Variants in ARPP19 observed in about 807,000 individuals in gnomAD.
The protein encoded by ARPP19 is cAMP regulated phosphoprotein 19.
Under a neutral mutation model 12.0 loss-of-function variants are expected in ARPP19, and 8 were observed. The ratio of observed to expected loss-of-function variants is 0.67; its 90% CI spans 0.39 to 1.21. ARPP19 has a LOEUF of 1.21. Among genes scored for constraint, ARPP19 ranks in the 50% most tolerant of loss-of-function variants. The pLI, the probability that ARPP19 is intolerant of heterozygous loss-of-function variation, is 0.01. For synonymous variants in ARPP19, 47 were observed against 50.4 expected, an observed-to-expected ratio of 0.93 and a Z score of 0.29; for missense variants, 102 against 136.3, an observed-to-expected ratio of 0.75 and a Z score of 1.25.
At position 52,557,139 on chromosome 15, in the gene ARPP19, A is replaced by G. The variant is rs1432432930; in HGVS notation, c.129T>C (p.Pro43=). ...GTTTCCTTAAGAAATCTGAACCTCCAGGCTTTTGTCCCAGATGAGGATATC... is the reference window on the plus strand; with the variant it reads ...GTTTCCTTAAGAAATCTGAACCTCCGGGCTTTTGTCCCAGATGAGGATATC... ...KARYPHLGQK[P]GGSDFLRKRL... Residue 43 remains proline, a synonymous_variant, in exon 2 of 3, where the codon CCT becomes CCC. Coordinates refer to ENST00000249822, the MANE Select transcript of ARPP19 (RefSeq NM_006628.6). The G allele has an allele frequency of 5.0e-6, 8 of 1,612,652 alleles. No homozygotes were observed. Among genetic ancestry groups the G allele is most frequent in the Middle Eastern group, 1.9e-4 (1 of 5,158 alleles).
intron 2 of ARPP19, among the ~76,000 whole-genome samples, chr15:52,552,381 C>T (rs1052562618): frequency 6.6e-6 from 1 of 151,570 alleles, no homozygotes; most frequent in Non-Finnish European, 1.5e-5. Flanking sequence ...GCCAGCCTGG[C>T]CAATATGGCG....
At chr15:52,556,677 G>T (rs996306339) in intron 2 of ARPP19, among the ~76,000 whole-genome samples, 2 of 152,118 alleles carry the variant, frequency 1.3e-5, no homozygotes, top group Non-Finnish European at 2.9e-5. Flanking sequence ...ATGGGCAGAA[G>T]GATAAACACC....
chr15:52,560,814 G>C (rs941040648), intron 1 of ARPP19, among the ~76,000 whole-genome samples: 2 of 152,334 alleles, frequency 1.3e-5, no homozygotes, highest in Non-Finnish European at 2.9e-5. Flanking sequence ...ACCACCAACA[G>C]CAGACAGCAG....
intron 2 of ARPP19, 44 bp downstream of exon 2, chr15:52,557,056 G>GTACAA: frequency 6.2e-7 from 1 of 1,602,014 alleles, no homozygotes; most frequent in South Asian, 1.1e-5. Context: ...AGCATACTGA[G>GTACAA]TTTGTAGGGC....
chr15:52,551,760 A>C lies in ARPP19; in HGVS notation c.*174T>G. 1.7e-6 allele frequency: 1 copy of C among 595,768 alleles called. No individual in the cohort carries two copies. Among genetic ancestry groups the C allele is most frequent in the African/African-American group, 1.9e-5 (1 of 53,988 alleles). 36.9% of individuals were successfully genotyped at this position (595,768 alleles called of 1,614,324 possible). ...ATGTCCTCTTCACCAGTGCACTGTT[A>C]AACTAATCAAAAACTCTACACACGT... On this transcript the variant is annotated 3_prime_UTR_variant, in exon 3 of 3. Coordinates refer to ENST00000249822, the MANE Select transcript of ARPP19 (RefSeq NM_006628.6).
rs996397799 is a variant in ARPP19 at position 52,547,500 on chromosome 15, T to C, written c.*4434A>G. 2.0e-5 allele frequency: 3 copies of C among 152,174 alleles called. No homozygotes were observed. Among genetic ancestry groups the C allele is most frequent in the Non-Finnish European group, 2.9e-5 (2 of 68,028 alleles). 9.4% of individuals were successfully genotyped at this position (152,174 alleles called of 1,614,324 possible). ...ATGTTTTTTTCCAACTGCGATTTAG[T>C]TGAAAAATAACATAATACAAACATA... On this transcript the variant is annotated 3_prime_UTR_variant, in exon 3 of 3. Transcript: ENST00000249822.
intron 1 of ARPP19, among the ~76,000 whole-genome samples, chr15:52,560,246 C>T (rs1262182321): frequency 2.0e-5 from 3 of 152,154 alleles, no homozygotes; most frequent in Non-Finnish European, 2.9e-5. Context: ...ATCTGCCCGC[C>T]TCGGCCTCCC....
upstream of ARPP19, chr15:52,569,301 T>C (rs2078119838): frequency 8.1e-6 from 2 of 247,748 alleles, no homozygotes; most frequent in East Asian, 1.7e-4. Context: ...CTAGGAGCTT[T>C]ATTTTACTCT....
intron 1 of ARPP19, among the ~76,000 whole-genome samples, chr15:52,559,778 G>C (rs79908645): frequency 0.033 from 5,075 of 152,296 alleles, 117 homozygotes; most frequent in Middle Eastern, 0.051. Flanking sequence ...TGCAGCCCAA[G>C]GGTGTTCTCA....
Position 52,549,944 on chromosome 15 carries a change from A to G in ARPP19, c.*1990T>C, listed in dbSNP as rs1054723865. 6.6e-6 allele frequency: 1 copy of G among 152,608 alleles called. No homozygotes were observed. Among genetic ancestry groups the G allele is most frequent in the Non-Finnish European group, 1.5e-5 (1 of 68,028 alleles). The allele number at this position is 152,608 out of a possible 1,614,324, so 9.5% of individuals were successfully genotyped here. A position where few individuals can be genotyped will look rare whatever the true frequency, so the allele number is the denominator to read the frequency against. On this transcript the variant is annotated 3_prime_UTR_variant, in exon 3 of 3. Coordinates refer to ENST00000249822, the MANE Select transcript of ARPP19 (RefSeq NM_006628.6). The stretch of plus-strand genomic sequence containing the variant: ...CTTTTCTGCCTTTTGGGGTGAGTAG[A>G]TCAGGAAGATAATCAGCAAGCTTTC...
intron 1 of ARPP19, among the ~76,000 whole-genome samples, chr15:52,567,472 C>A (rs73396733): frequency 0.11 from 16,480 of 152,174 alleles, 968 homozygotes; most frequent in Middle Eastern, 0.17. Context: ...TTAAGGCAAA[C>A]CACCACAGAC....
At chr15:52,559,356 A>G (rs1473146692) in intron 1 of ARPP19, among the ~76,000 whole-genome samples, 1 of 152,170 alleles carries the variant, frequency 6.6e-6, no homozygotes, top group Non-Finnish European at 1.5e-5. Context: ...TATCTTGCAG[A>G]GCATAAGTAC....
chr15:52,560,812 C>G (rs191424267), intron 1 of ARPP19, among the ~76,000 whole-genome samples: 2 of 152,348 alleles, frequency 1.3e-5, no homozygotes, highest in African/African-American at 2.4e-5. Flanking sequence ...CCACCACCAA[C>G]AGCAGACAGC....
At chr15:52,568,790 G>C (rs1213490228) in intron 1 of ARPP19, 58 bp downstream of exon 1, 1 of 1,353,122 alleles carries the variant, frequency 7.4e-7, no homozygotes, top group African/African-American at 1.5e-5. Flanking sequence ...GGCGGGAGCA[G>C]GCCGCCCGCC....
intron 2 of ARPP19, among the ~76,000 whole-genome samples, chr15:52,553,557 T>C (rs909744446): frequency 2.0e-5 from 3 of 152,160 alleles, no homozygotes; most frequent in South Asian, 2.1e-4. Context: ...GATGGGACAA[T>C]AGTCAAGTAA....
At chr15:52,566,099 C>T (rs143744449) in intron 1 of ARPP19, among the ~76,000 whole-genome samples, 14 of 152,158 alleles carry the variant, frequency 9.2e-5, no homozygotes, top group Non-Finnish European at 1.8e-4. Flanking sequence ...CATGATCCGC[C>T]AGCCTCGGCC....
intron 1 of ARPP19, among the ~76,000 whole-genome samples, chr15:52,566,076 G>C (rs1279511578): frequency 6.6e-6 from 1 of 151,996 alleles, no homozygotes; most frequent in African/African-American, 2.4e-5. Flanking sequence ...GGCTGGTATC[G>C]AACTCCTGAC....
At chr15:52,568,639 C>T in intron 1 of ARPP19, 1 of 469,490 alleles carries the variant, frequency 2.1e-6, no homozygotes, top group Non-Finnish European at 3.7e-6. Context: ...ACAAAAGGCA[C>T]GATTCGGAGT....
At chr15:52,558,387 C>T (rs936815636) in intron 1 of ARPP19, among the ~76,000 whole-genome samples, 2 of 151,170 alleles carry the variant, frequency 1.3e-5, no homozygotes, top group African/African-American at 4.9e-5. Flanking sequence ...AAGGTTGAGG[C>T]TGCAGTGAGT....
Sources: gnomAD v4.1 joint callset for allele counts (sites outside exome capture counted in the v4.1 genomes callset) on GRCh38, gnomAD v4.1.1 for gene constraint, MANE v1.5 for transcripts, NCBI Gene and HGNC (gene_info 2026-07-23, HGNC 2026-07-21) for gene names.